ANKRD13D: variants seen among roughly 807,000 people sequenced by gnomAD.
ANKRD13D encodes the protein ankyrin repeat domain-containing protein 13D.
In ANKRD13D, 24 loss-of-function variants were observed where a neutral mutation model predicts 68.8. The ratio of observed to expected loss-of-function variants is 0.35; its 90% CI spans 0.25 to 0.49. The LOEUF (loss-of-function observed/expected upper bound fraction) is 0.49, where lower values mean the gene tolerates loss of function less well. Among genes scored for constraint, ANKRD13D ranks in the 20% least tolerant of loss-of-function variants. The pLI, the probability that ANKRD13D is intolerant of heterozygous loss-of-function variation, is 0.99. For missense variants in ANKRD13D, 735 were observed against 832.1 expected, an observed-to-expected ratio of 0.88 and a Z score of 1.44; for synonymous variants, 331 against 336.1, an observed-to-expected ratio of 0.98 and a Z score of 0.16.
At chr11:67,291,334 G>A (rs1860531888) in intron 3 of ANKRD13D, 142 bp from the exon 4 acceptor site, 1 of 928,882 alleles carries the variant, frequency 1.1e-6, no homozygotes, top group African/African-American at 1.7e-5. Flanking sequence ...CTCCAGCCTG[G>A]GTGACAGAGC....
rs1029690046 is a variant in ANKRD13D, at chr11:67,302,458, G to A, written c.*126G>A. On this transcript the variant is annotated 3_prime_UTR_variant, in exon 15 of 15. Coordinates refer to ENST00000511455, the MANE Select transcript of ANKRD13D (RefSeq NM_207354.3). ...GGAATGAGCAGGCAGGGGAGACTGA[G>A]ATGGAAATAAAGAGACTGTCGCAGC... 7 of 1,355,534 alleles carry A rather than the reference G, an allele frequency of 5.2e-6. No homozygotes were observed. Among genetic ancestry groups the A allele is most frequent in the Non-Finnish European group, 6.8e-6 (7 of 1,025,150 alleles). The allele number at this position is 1,355,534 out of a possible 1,614,324, so 84.0% of individuals were successfully genotyped here.
Position 67,290,126 on chromosome 11 carries a change from G to T in ANKRD13D, c.139G>T (p.Ala47Ser). 1 of 1,537,156 alleles carries T rather than the reference G, an allele frequency of 6.5e-7. No homozygotes were observed. The highest frequency in any genetic ancestry group is 8.7e-7 in the Non-Finnish European group (1 of 1,146,902). The change falls in exon 2 of 15, where the codon GCC (alanine) becomes TCC (serine). Residue 47 changes from alanine to serine, a missense_variant. Transcript: ENST00000511455. Reference sequence around the variant, plus strand: ...CCGCGGGCGGACCCCACTGGAGCTGGCCGTGTCTCTGGGAAACCTGGAGTC... The same window carrying T: ...CCGCGGGCGGACCCCACTGGAGCTGTCCGTGTCTCTGGGAAACCTGGAGTC... ...DPRGRTPLEL[A>S]VSLGNLESVR...
Position 67,292,109 on chromosome 11 carries a change from G to T in ANKRD13D, c.660G>T (p.Glu220Asp), listed in dbSNP as rs149376071. 11 of 1,612,444 alleles carry T rather than the reference G, an allele frequency of 6.8e-6. No homozygotes were observed. The highest frequency in any genetic ancestry group is 9.3e-6 in the Non-Finnish European group (11 of 1,178,900). Residue 220 changes from glutamate (E) to aspartate (D), a missense_variant, in exon 6 of 15, where the codon GAG (glutamate) becomes GAT (aspartate). Transcript: ENST00000511455. ...TGGCCGCCATGCGGCCCAGCGAGGA[G>T]CATGTGGCCAGTCGCCTCACCTCTC... ...TLLAAMRPSE[E>D]HVASRLTSPI...
At chr11:67,289,730 T>A in intron 1 of ANKRD13D, 180 bp downstream of exon 1, 2 of 1,382,040 alleles carry the variant, frequency 1.4e-6, no homozygotes, top group Non-Finnish European at 1.9e-6. Context: ...GCCTCTGGCC[T>A]CCTCTCCCCT....
In ANKRD13D at chr11:67,292,104, G is replaced by A. The variant is rs138888533; in HGVS notation, c.655G>A (p.Glu219Lys). ...ETLLAAMRPS[E>K]EHVASRLTSP... Reference sequence around the variant, plus strand: ...ACTGCTGGCCGCCATGCGGCCCAGCGAGGAGCATGTGGCCAGTCGCCTCAC... The same window carrying A: ...ACTGCTGGCCGCCATGCGGCCCAGCAAGGAGCATGTGGCCAGTCGCCTCAC... The change falls in exon 6 of 15, where the codon GAG becomes AAG. Residue 219 changes from glutamate (E) to lysine (K), a missense_variant. Glu to Lys is a moderately conservative substitution (Grantham distance 56). Coordinates refer to ENST00000511455, the MANE Select transcript of ANKRD13D (RefSeq NM_207354.3). 12 of 1,612,562 alleles carry A rather than the reference G, an allele frequency of 7.4e-6. No individual in the cohort carries two copies. The highest frequency in any genetic ancestry group is 2.7e-5 in the African/African-American group (2 of 74,942).
chr11:67,300,732 C>G lies in ANKRD13D; in HGVS notation c.1074-258C>G, dbSNP rs1275370674. On this transcript the variant is annotated intron_variant, in intron 10 of 14. Coordinates refer to ENST00000511455, the MANE Select transcript of ANKRD13D (RefSeq NM_207354.3). This position sits in a 1 kb window ranked among gnomAD's most constrained non-coding sequence, Gnocchi z 4.3. ...CAGAGAGAAGCCCACAGCCTGGCAC[C>G]TGGCCTCCTTGTCCAGACCAGATGA... The G allele has an allele frequency of 3.6e-6, 2 of 552,814 alleles. No individual in the cohort carries two copies. Among genetic ancestry groups the G allele is most frequent in the Non-Finnish European group, 6.4e-6 (2 of 314,288 alleles). 34.2% of individuals were successfully genotyped at this position (552,814 alleles called of 1,614,324 possible).
chr11:67,289,689 C>CA, intron 1 of ANKRD13D, 139 bp downstream of exon 1: 1 of 1,304,238 alleles, frequency 7.7e-7, no homozygotes, highest in Non-Finnish European at 1.0e-6. Context: ...TGCACGATCC[C>CA]AAGCCCAGGT....
In ANKRD13D at chr11:67,301,787, A is replaced by C. The variant is rs1195515619; in HGVS notation, c.1568A>C (p.Gln523Pro). 3.1e-6 allele frequency: 5 copies of C among 1,608,234 alleles called. No individual in the cohort carries two copies. In the Admixed American group the frequency reaches 6.8e-5, roughly 22 times the overall value. ...NTRPGARPPP[Q>P]ATVYEEQLQL... is the part of the protein sequence containing the mutation. ...CGGCCCGGTGCCCGCCCTCCTCCCC[A>C]GGCCACGGTTTATGAGGAACAGCTT... Residue 523 changes from glutamine to proline, a missense_variant, in exon 14 of 15, where the codon CAG becomes CCG. Physicochemically the swap from Gln to Pro is moderately conservative, Grantham distance 76 (BLOSUM62 -1). Transcript: ENST00000511455. The surrounding 1 kb of genome is among the most constrained non-coding windows in gnomAD (Gnocchi z 4.5).
intron 6 of ANKRD13D, 169 bp from the exon 7 acceptor site, chr11:67,298,888 TC>T (rs1326766047): frequency 1.2e-4 from 79 of 663,048 alleles, no homozygotes; most frequent in East Asian, 6.8e-4. Context: ...TGCTCAAGTG[TC>T]CCCCCCTGTC....
rs963472323 is a variant in ANKRD13D, at chr11:67,292,152, C to G, written c.703C>G (p.Leu235Val). ...CACCTCTCCTATCGTCTCCACCCAC[C>G]TGGACACTCGTAATGTGGCCTTTGA... ...RLTSPIVSTH[L>V]DTRNVAFERN... The change falls in exon 6 of 15, where the codon CTG becomes GTG. Residue 235 changes from leucine to valine, a missense_variant. Transcript: ENST00000511455. The G allele has an allele frequency of 5.0e-6, 8 of 1,604,090 alleles. No homozygotes were observed. The Admixed American group carries it at 5.0e-5, about 10-fold the overall frequency.
chr11:67,291,923 G>T lies in ANKRD13D; in HGVS notation c.542-68G>T. ...AGCAGGTGGCTGAGGGTACATGATC[G>T]CCCTCTCTGCACTGCTGGCGCCCAG... On this transcript the variant is annotated intron_variant, in intron 5 of 14. Transcript: ENST00000511455. The T allele has an allele frequency of 9.8e-6, 15 of 1,524,506 alleles. No homozygotes were observed. In the South Asian group the frequency reaches 1.5e-4, roughly 15 times the overall value. 94.4% of individuals were successfully genotyped at this position (1,524,506 alleles called of 1,614,324 possible).
intron 6 of ANKRD13D, among the ~76,000 whole-genome samples, chr11:67,295,243 C>G (rs1328533670): frequency 1.3e-5 from 2 of 152,074 alleles, no homozygotes; most frequent in East Asian, 3.9e-4. Flanking sequence ...TGGTGAAACC[C>G]CATCTGTACT....
chr11:67,292,242 T>C lies in ANKRD13D; in HGVS notation c.731+62T>C, dbSNP rs943581962. 16 of 1,512,962 alleles carry C rather than the reference T, an allele frequency of 1.1e-5. No homozygotes were observed. In the African/African-American group the frequency reaches 2.2e-4, roughly 21 times the overall value. 93.7% of individuals were successfully genotyped at this position (1,512,962 alleles called of 1,614,324 possible). Reference sequence around the variant, plus strand: ...GACGGATAGCAAGAGCCACCATTAATGAGGGCAGGGCGATCCTTGAAGATC... The same window carrying C: ...GACGGATAGCAAGAGCCACCATTAACGAGGGCAGGGCGATCCTTGAAGATC... On this transcript the variant is annotated intron_variant, in intron 6 of 14. Coordinates refer to ENST00000511455, the MANE Select transcript of ANKRD13D (RefSeq NM_207354.3).
At chr11:67,290,468 G>T in intron 3 of ANKRD13D, 22 bp downstream of exon 3, 1 of 1,553,982 alleles carries the variant, frequency 6.4e-7, no homozygotes, top group South Asian at 1.2e-5. Flanking sequence ...CACAGTTATG[G>T]AGGTGGGGTA....
At chr11:67,292,226 C>G (rs778619590) in intron 6 of ANKRD13D, 46 bp downstream of exon 6, 1 of 1,531,924 alleles carries the variant, frequency 6.5e-7, no homozygotes, top group Non-Finnish European at 8.9e-7. Context: ...GGACGGATAG[C>G]AAGAGCCACC....
chr11:67,289,706 C>G (rs1711541921), intron 1 of ANKRD13D, 156 bp downstream of exon 1: 1 of 1,336,022 alleles, frequency 7.5e-7, no homozygotes, highest in Non-Finnish European at 9.8e-7. Flanking sequence ...AGGTCACCGG[C>G]CCCTCGCGCC....
At chr11:67,292,801 C>T (rs1860620054) in intron 6 of ANKRD13D, among the ~76,000 whole-genome samples, 1 of 152,184 alleles carries the variant, frequency 6.6e-6, no homozygotes, top group Non-Finnish European at 1.5e-5. Context: ...CTTTAGCTAA[C>T]TCTTCGCCAA....
chr11:67,295,847 T>C (rs1860739524), intron 6 of ANKRD13D, among the ~76,000 whole-genome samples: 1 of 152,248 alleles, frequency 6.6e-6, no homozygotes, highest in Non-Finnish European at 1.5e-5. Flanking sequence ...TACCATTAAG[T>C]ATGATATTAG....
At position 67,299,668 on chromosome 11, in the gene ANKRD13D, G is replaced by A. The variant is rs968388346; in HGVS notation, c.880+57G>A. 3.2e-6 allele frequency: 5 copies of A among 1,543,446 alleles called. No homozygotes were observed. Among genetic ancestry groups the A allele is most frequent in the Non-Finnish European group, 4.4e-6 (5 of 1,141,580 alleles). ...TCACACCGTGTGGTGGGGTCACCCT[G>A]GCCTGGGATTAGGGGCCAGAGTTTC... On this transcript the variant is annotated intron_variant, in intron 8 of 14. Transcript: ENST00000511455. This position sits in a 1 kb window ranked among gnomAD's most constrained non-coding sequence, Gnocchi z 6.2.
Sources: allele counts gnomAD v4.1 joint callset (sites outside exome capture counted in the v4.1 genomes callset), GRCh38; gene constraint gnomAD v4.1.1; non-coding constraint Gnocchi (gnomAD v3.1); transcripts MANE v1.5; gene names NCBI Gene and HGNC (gene_info 2026-07-23, HGNC 2026-07-21).